Variants in ALPK1 observed in about 807,000 individuals in gnomAD.
The protein encoded by ALPK1 is alpha kinase 1, also known as alpha-protein kinase 1.
ALPK1 carries 110 observed loss-of-function variants against 120.6 expected under a neutral mutation model. That is an observed-to-expected ratio of 0.91 (90% CI 0.78 to 1.07). ALPK1 has a LOEUF of 1.07. ALPK1 is among the 50% of genes least tolerant of loss of function. The probability of loss-of-function intolerance (pLI) is 0.00; values close to 1 mark genes in which losing one functional copy is unlikely to be tolerated. For synonymous variants in ALPK1, 582 were observed against 560.3 expected, an observed-to-expected ratio of 1.04 and a Z score of -0.55; for missense variants, 1,498 against 1,483.9, an observed-to-expected ratio of 1.01 and a Z score of -0.16.
chr4:112,306,810 C>T (rs139272352), intron 1 of ALPK1, among the ~76,000 whole-genome samples: 8,643 of 151,638 alleles, frequency 0.057, 340 homozygotes, highest in Non-Finnish European at 0.087. Flanking sequence ...ATGTGTTTGC[C>T]CTTGCTTCTC....
chr4:112,428,588 G>A (rs1989927), intron 9 of ALPK1, among the ~76,000 whole-genome samples: 42,595 of 151,904 alleles, frequency 0.28, 6,518 homozygotes, highest in East Asian at 0.63. Context: ...CCCATCCTGG[G>A]CCTCCCTAAC....
chr4:112,392,243 C>G (rs1224493893), intron 4 of ALPK1, among the ~76,000 whole-genome samples: 2 of 152,098 alleles, frequency 1.3e-5, no homozygotes, highest in Non-Finnish European at 1.5e-5. Context: ...CTTCTCCCTC[C>G]ACCAACCAAA....
At chr4:112,400,115 G>C (rs184305585) in intron 4 of ALPK1, among the ~76,000 whole-genome samples, 6 of 152,336 alleles carry the variant, frequency 3.9e-5, no homozygotes, top group Non-Finnish European at 7.3e-5. Context: ...TATATACCCA[G>C]TAATGGGATT....
chr4:112,372,800 G>A (rs771833055), intron 2 of ALPK1, among the ~76,000 whole-genome samples: 4 of 151,902 alleles, frequency 2.6e-5, no homozygotes. Flanking sequence ...GCAGTCTCTG[G>A]TAACCACAAC....
At chr4:112,324,015 A>T (rs1415155663) in intron 2 of ALPK1, among the ~76,000 whole-genome samples, 1 of 152,140 alleles carries the variant, frequency 6.6e-6, no homozygotes, top group Non-Finnish European at 1.5e-5. Context: ...GGGCTTAGGG[A>T]GCCCACTGCT....
At chr4:112,369,596 C>T (rs1276516012) in intron 2 of ALPK1, among the ~76,000 whole-genome samples, 2 of 152,108 alleles carry the variant, frequency 1.3e-5, no homozygotes, top group South Asian at 2.1e-4. Context: ...GCACAAGAAT[C>T]GCTTGAACCC....
At chr4:112,308,840 T>C (rs1484883823) in intron 1 of ALPK1, among the ~76,000 whole-genome samples, 4 of 152,132 alleles carry the variant, frequency 2.6e-5, no homozygotes, top group Non-Finnish European at 5.9e-5. Flanking sequence ...TTTAGAATTT[T>C]CAGCTTTTCT....
intron 4 of ALPK1, among the ~76,000 whole-genome samples, chr4:112,395,347 A>G (rs1732602935): frequency 6.6e-6 from 1 of 152,238 alleles, no homozygotes; most frequent in African/African-American, 2.4e-5. Context: ...GCAAAACCCA[A>G]GCATTTTTAA....
At chr4:112,356,836 A>T (rs1730645131) in intron 2 of ALPK1, 8 of 729,918 alleles carry the variant, frequency 1.1e-5, no homozygotes, top group African/African-American at 3.5e-5. Context: ...AGAGCCGCAG[A>T]GCACACAACA....
chr4:112,406,549 C>A (rs1215547190), intron 4 of ALPK1, among the ~76,000 whole-genome samples: 1 of 152,192 alleles, frequency 6.6e-6, no homozygotes, highest in Non-Finnish European at 1.5e-5. Flanking sequence ...GAAGCAAGTT[C>A]TCTCTGACCT....
intron 14 of ALPK1, 26 bp from the exon 15 acceptor site, chr4:112,440,891 C>T (rs201039600): frequency 1.4e-5 from 22 of 1,587,170 alleles, no homozygotes; most frequent in Non-Finnish European, 1.8e-5. Flanking sequence ...GAATTTAATA[C>T]TCAGGTGTGT....
intron 2 of ALPK1, among the ~76,000 whole-genome samples, chr4:112,362,035 G>C (rs1468003824): frequency 6.6e-6 from 1 of 152,236 alleles, no homozygotes; most frequent in Non-Finnish European, 1.5e-5. Flanking sequence ...CCTAGGGGAA[G>C]GGGGAGAGCC....
At chr4:112,305,669 A>G (rs1728015806) in intron 1 of ALPK1, among the ~76,000 whole-genome samples, 1 of 152,106 alleles carries the variant, frequency 6.6e-6, no homozygotes, top group African/African-American at 2.4e-5. Flanking sequence ...GGGGTTTTCC[A>G]GATATACAGT....
chr4:112,325,286 T>C (rs1328169825), intron 2 of ALPK1, among the ~76,000 whole-genome samples: 2 of 152,216 alleles, frequency 1.3e-5, no homozygotes, highest in Admixed American at 6.5e-5. Flanking sequence ...TTAGACACTA[T>C]TCCCATTTAC....
chr4:112,368,435 G>A lies in ALPK1; in HGVS notation c.-100-9243G>A, dbSNP rs1041747362. ...GTTAACTCCATTATCTAAAGTCTTT[G>A]TGGGTCTGATTTTAGTATCTGTTGT... On this transcript the variant is annotated intron_variant, in intron 2 of 15. Coordinates refer to ENST00000650871, the MANE Select transcript of ALPK1 (RefSeq NM_025144.4). Among the ~76,000 whole-genome samples, 2 of 152,054 alleles carry A rather than the reference G, an allele frequency of 1.3e-5. 1 individual carries two copies. Among genetic ancestry groups the A allele is most frequent in the Non-Finnish European group, 2.9e-5 (2 of 68,024 alleles).
intron 4 of ALPK1, among the ~76,000 whole-genome samples, chr4:112,394,129 G>A (rs1031086202): frequency 2.6e-5 from 4 of 152,202 alleles, no homozygotes; most frequent in East Asian, 1.9e-4. Context: ...TGGAAATGAC[G>A]GGACCACCAC....
At chr4:112,297,644 G>A (rs1015342749) in intron 1 of ALPK1, among the ~76,000 whole-genome samples, 175 bp downstream of exon 1, 11 of 150,636 alleles carry the variant, frequency 7.3e-5, no homozygotes, top group Non-Finnish European at 1.6e-4. Flanking sequence ...AGGGGAGGAT[G>A]AGTTGGTGGG....
chr4:112,438,545 C>A lies in ALPK1; in HGVS notation c.3250C>A (p.Arg1084=), dbSNP rs749439534. ...GLWHHFTDVE[R]QMTAQHYVTE... ...CTGGCACCACTTCACTGATGTGGAG[C>A]GACAGATGACCGCACAGCACTATGT... Residue 1084 remains arginine (R), a synonymous_variant, in exon 13 of 16, where the codon CGA becomes AGA. Transcript: ENST00000650871. The A allele has an allele frequency of 1.2e-6, 2 of 1,613,664 alleles. No homozygotes were observed. Among genetic ancestry groups the A allele is most frequent in the South Asian group, 2.2e-5 (2 of 91,066 alleles).
chr4:112,417,131 G>A (rs946438579), intron 5 of ALPK1, among the ~76,000 whole-genome samples: 15 of 152,064 alleles, frequency 9.9e-5, no homozygotes, highest in African/African-American at 3.1e-4. Flanking sequence ...TCAAAAGTGA[G>A]GATAAAATAG....
Sources: allele counts gnomAD v4.1 joint callset (sites outside exome capture counted in the v4.1 genomes callset), GRCh38; gene constraint gnomAD v4.1.1; transcripts MANE v1.5; gene names NCBI Gene and HGNC (gene_info 2026-07-23, HGNC 2026-07-21).